Variants in FGFR1OP2 observed in about 807,000 individuals in gnomAD.
FGFR1OP2 encodes fibroblast growth factor receptor 1 oncogene partner 2.
Under a neutral mutation model 35.2 loss-of-function variants are expected in FGFR1OP2, and 17 were observed. That is an observed-to-expected ratio of 0.48 (90% CI 0.33 to 0.73). The LOEUF (loss-of-function observed/expected upper bound fraction) is 0.73. FGFR1OP2 is among the 30% of genes least tolerant of loss of function. FGFR1OP2 has a pLI of 0.02. For synonymous variants in FGFR1OP2, 105 were observed against 104.6 expected, an observed-to-expected ratio of 1.00 and a Z score of -0.03; for missense variants, 251 against 307.3, an observed-to-expected ratio of 0.82 and a Z score of 1.37.
In FGFR1OP2 at chr12:26,965,916, G is replaced by T. The variant is rs975974296; in HGVS notation, c.*1183G>T. ...AACCTAAATTTTCTTATGTTGTGGT[G>T]ATTGTATTAAAAAGGGATAAAAGAA... On this transcript the variant is annotated 3_prime_UTR_variant, in exon 7 of 7. Coordinates refer to ENST00000229395, the MANE Select transcript of FGFR1OP2 (RefSeq NM_015633.3). 5 of 151,984 alleles carry T rather than the reference G, an allele frequency of 3.3e-5. No individual in the cohort carries two copies. The highest frequency in any genetic ancestry group is 1.2e-4 in the African/African-American group (5 of 41,414). The allele number at this position is 151,984 out of a possible 1,614,324, so 9.4% of individuals were successfully genotyped here.
At chr12:26,963,601 A>G (rs1180135635) in intron 6 of FGFR1OP2, 146 bp downstream of exon 6, 5 of 501,504 alleles carry the variant, frequency 1.0e-5, no homozygotes, top group Non-Finnish European at 1.8e-5. Context: ...ATATTATGCA[A>G]GACCATTTAT....
Position 26,957,593 on chromosome 12 carries a change from C to A in FGFR1OP2, c.254-8C>A, listed in dbSNP as rs1939041744. On this transcript the variant is annotated splice_polypyrimidine_tract_variant and splice_region_variant and intron_variant, in intron 3 of 6. Coordinates refer to ENST00000229395, the MANE Select transcript of FGFR1OP2 (RefSeq NM_015633.3). ...AGTTGGAATAAAATACAATATTATT[C>A]TTGATAGAATTACGTACATCTCTGG... 5 of 1,602,420 alleles carry A rather than the reference C, an allele frequency of 3.1e-6. No individual in the cohort carries two copies. The highest frequency in any genetic ancestry group is 4.3e-6 in the Non-Finnish European group (5 of 1,175,094).
intron 6 of FGFR1OP2, 109 bp downstream of exon 6, chr12:26,963,564 G>A (rs1939133874): frequency 2.9e-6 from 2 of 679,336 alleles, no homozygotes; most frequent in Non-Finnish European, 4.8e-6. Flanking sequence ...TACTGGTAAT[G>A]TTCTCCTGGA....
intron 1 of FGFR1OP2, among the ~76,000 whole-genome samples, chr12:26,938,969 T>C (rs1477083625): frequency 6.6e-6 from 1 of 152,180 alleles, no homozygotes; most frequent in Non-Finnish European, 1.5e-5. Context: ...TGGACACACC[T>C]TCCGTATCTG....
Position 26,960,567 on chromosome 12 carries a change from GACAC to G in FGFR1OP2, c.451_454del (p.His151SerfsTer28). The G allele has an allele frequency of 6.2e-7, 1 of 1,613,442 alleles. No homozygotes were observed. The highest frequency in any genetic ancestry group is 8.5e-7 in the Non-Finnish European group (1 of 1,179,688). ...GAAGGATTCTTCCTTGATGCATCTCGACACATCCTTGAAGCACCTCAACATGGAC... is the reference window on the plus strand; with the variant it reads ...GAAGGATTCTTCCTTGATGCATCTCGATCCTTGAAGCACCTCAACATGGAC... On this transcript the variant is annotated frameshift_variant, in exon 5 of 7. Transcript: ENST00000229395. LOFTEE classifies it high-confidence loss of function.
intron 1 of FGFR1OP2, among the ~76,000 whole-genome samples, chr12:26,946,732 A>G (rs1938828724): frequency 6.6e-6 from 1 of 152,252 alleles, no homozygotes; most frequent in Non-Finnish European, 1.5e-5. Flanking sequence ...GGTTTTCAGT[A>G]TATTCAGAGT....
At chr12:26,952,519 C>T (rs1938949193) in intron 1 of FGFR1OP2, among the ~76,000 whole-genome samples, 1 of 152,126 alleles carries the variant, frequency 6.6e-6, no homozygotes, top group African/African-American at 2.4e-5. Flanking sequence ...AGCTTGTTTA[C>T]TTCTTAAGGC....
At chr12:26,947,711 ATATT>A (rs1238936561) in intron 1 of FGFR1OP2, among the ~76,000 whole-genome samples, 1 of 152,088 alleles carries the variant, frequency 6.6e-6, no homozygotes, top group African/African-American at 2.4e-5. Context: ...TACCCATATC[ATATT>A]TAAAGTGAAT....
At chr12:26,960,438 C>T (rs549896903) in intron 4 of FGFR1OP2, 77 bp from the exon 5 acceptor site, 16 of 922,922 alleles carry the variant, frequency 1.7e-5, no homozygotes, top group African/African-American at 9.9e-5. Flanking sequence ...TTGGCTAACA[C>T]GCATGAACTA....
Position 26,956,536 on chromosome 12 carries a change from C to T in FGFR1OP2, c.136-7C>T. On this transcript the variant is annotated splice_region_variant and splice_polypyrimidine_tract_variant and intron_variant, in intron 2 of 6. Transcript: ENST00000229395. ...TTTTCATCCCACATGTTTTTCTCCCCCATTAGTATCAGGAAGAAATTCAAG... is the reference window on the plus strand; with the variant it reads ...TTTTCATCCCACATGTTTTTCTCCCTCATTAGTATCAGGAAGAAATTCAAG... The T allele has an allele frequency of 1.4e-6, 2 of 1,449,570 alleles. No individual in the cohort carries two copies. The highest frequency in any genetic ancestry group is 2.6e-5 in the East Asian group (1 of 38,760). The allele number at this position is 1,449,570 out of a possible 1,614,324, so 89.8% of individuals were successfully genotyped here.
At chr12:26,953,356 A>T (rs2136355080) in intron 1 of FGFR1OP2, among the ~76,000 whole-genome samples, 1 of 151,912 alleles carries the variant, frequency 6.6e-6, no homozygotes, top group East Asian at 1.9e-4. Context: ...TTGGAAAGAG[A>T]CTTTAAAATT....
chr12:26,959,403 A>G (rs1939070748), intron 4 of FGFR1OP2, among the ~76,000 whole-genome samples: 1 of 152,122 alleles, frequency 6.6e-6, no homozygotes, highest in African/African-American at 2.4e-5. Context: ...TTGTAAGATA[A>G]ATATAATCTT....
rs1427890918 is a variant in FGFR1OP2 at position 26,938,487 on chromosome 12, G to T, written c.-238G>T. ...GAGGCTGGAGTTCTCCGGGAGCGCC[G>T]GTCGGAGGCGGTCGGCGGAGGTGTC... On this transcript the variant is annotated 5_prime_UTR_variant, in exon 1 of 7. Transcript: ENST00000229395. 1 of 152,266 alleles carries T rather than the reference G, an allele frequency of 6.6e-6. No homozygotes were observed. 9.4% of individuals were successfully genotyped at this position (152,266 alleles called of 1,614,324 possible). A position where few individuals can be genotyped will look rare whatever the true frequency, so the allele number is the denominator to read the frequency against.
chr12:26,950,213 G>GTTGTTTTTTT (rs1938898866), intron 1 of FGFR1OP2, among the ~76,000 whole-genome samples: 1 of 50,942 alleles, frequency 2.0e-5, no homozygotes, highest in African/African-American at 8.1e-5. Flanking sequence ...TGTATTCGTT[G>GTTGTTTTTTT]TTTTTTTTTT....
chr12:26,946,603 C>T (rs769328851), intron 1 of FGFR1OP2, among the ~76,000 whole-genome samples: 3 of 152,190 alleles, frequency 2.0e-5, no homozygotes, highest in East Asian at 3.8e-4. Flanking sequence ...TGGGCCACTG[C>T]GCCTGACCTT....
At chr12:26,958,721 A>G (rs1459532836) in intron 4 of FGFR1OP2, among the ~76,000 whole-genome samples, 1 of 152,180 alleles carries the variant, frequency 6.6e-6, no homozygotes. Context: ...TCCCTTTGGT[A>G]TGTCCCCATA....
At chr12:26,947,893 C>G (rs184412476) in intron 1 of FGFR1OP2, among the ~76,000 whole-genome samples, 1 of 151,862 alleles carries the variant, frequency 6.6e-6, no homozygotes, top group Non-Finnish European at 1.5e-5. Flanking sequence ...CTTTGATATT[C>G]CTTTGTTTTG....
At chr12:26,958,048 G>A (rs1471285002) in intron 4 of FGFR1OP2, 1 of 195,230 alleles carries the variant, frequency 5.1e-6, no homozygotes, top group East Asian at 1.4e-4. Context: ...TTTTTGTAGG[G>A]CTATATACTT....
chr12:26,947,299 T>C (rs1938843562), intron 1 of FGFR1OP2, among the ~76,000 whole-genome samples: 1 of 152,176 alleles, frequency 6.6e-6, no homozygotes, highest in African/African-American at 2.4e-5. Context: ...TATCTCATTG[T>C]GGTTTTGAAT....
Sources: gnomAD v4.1 joint callset for allele counts (sites outside exome capture counted in the v4.1 genomes callset) on GRCh38, gnomAD v4.1.1 for gene constraint, MANE v1.5 for transcripts, NCBI Gene and HGNC (gene_info 2026-07-23, HGNC 2026-07-21) for gene names.